The following NHSL1 variants were observed in gnomAD, a reference collection of about 807,000 sequenced individuals.
NHSL1 encodes the protein NHS-like protein 1.
Under a neutral mutation model 95.0 loss-of-function variants are expected in NHSL1, and 48 were observed. The ratio of observed to expected loss-of-function variants is 0.51; its 90% CI spans 0.40 to 0.64. The LOEUF is 0.64. Ranked by LOEUF, NHSL1 falls within the 30% of genes least tolerant of loss-of-function variation. The pLI is 0.00. For missense variants in NHSL1, 1,971 were observed against 2,077.7 expected (o/e 0.95, Z 1.00); for synonymous variants, 783 against 833.9 (o/e 0.94, Z 1.05).
chr6:138,459,258 T>G (rs55706289), intron 3 of NHSL1, among the ~76,000 whole-genome samples: 32,048 of 152,098 alleles, frequency 0.21, 4,403 homozygotes, highest in African/African-American at 0.39. Flanking sequence ...AAAGTGCTGG[T>G]ATTACAGGCA....
At chr6:138,592,319 C>T (rs1436754140) in intron 1 of NHSL1, among the ~76,000 whole-genome samples, 1 of 152,136 alleles carries the variant, frequency 6.6e-6, no homozygotes, top group South Asian at 2.1e-4. Flanking sequence ...ACTATATAGG[C>T]CAGGCACGGT....
intron 1 of NHSL1, among the ~76,000 whole-genome samples, chr6:138,541,431 CAG>C (rs1782577603): frequency 2.0e-5 from 3 of 152,204 alleles, no homozygotes; most frequent in African/African-American, 7.2e-5. Context: ...AACTCAACAG[CAG>C]AGAGTCTGCT....
rs1416334679 is a variant in NHSL1, at chr6:138,422,362, A to G, written c.*1719T>C. The G allele has an allele frequency of 1.3e-5, 2 of 152,204 alleles. No individual in the cohort carries two copies. Among genetic ancestry groups the G allele is most frequent in the Non-Finnish European group, 2.9e-5 (2 of 68,030 alleles). The allele number at this position is 152,204 out of a possible 1,614,324, so 9.4% of individuals were successfully genotyped here. A position where few individuals can be genotyped will look rare whatever the true frequency, so the allele number is the denominator to read the frequency against. On this transcript the variant is annotated 3_prime_UTR_variant, in exon 8 of 8. Coordinates refer to ENST00000343505, the MANE Select transcript of NHSL1 (RefSeq NM_001144060.2). ...GAGCAGTGTTTTGTTTTTTTCAGAG[A>G]AGGGAAAGAGCCTTCATTCTTTAGG...
chr6:138,577,457 G>A (rs1360477390), upstream of NHSL1, among the ~76,000 whole-genome samples: 2 of 152,208 alleles, frequency 1.3e-5, no homozygotes, highest in African/African-American at 4.8e-5. Context: ...GGGAAAACAC[G>A]GCTGGATTGC....
chr6:138,589,134 C>T (rs1193345718), intron 1 of NHSL1, among the ~76,000 whole-genome samples: 1 of 152,208 alleles, frequency 6.6e-6, no homozygotes, highest in Non-Finnish European at 1.5e-5. Flanking sequence ...ATCCAACTAA[C>T]ATCTGAGGGT....
At chr6:138,614,590 C>T (rs1036030363) in intron 1 of NHSL1, among the ~76,000 whole-genome samples, 3 of 152,148 alleles carry the variant, frequency 2.0e-5, no homozygotes, top group Non-Finnish European at 4.4e-5. Flanking sequence ...TACCCATATT[C>T]CCATTTCAAC....
At chr6:138,470,813 A>G (rs1778700932) in intron 3 of NHSL1, among the ~76,000 whole-genome samples, 1 of 152,048 alleles carries the variant, frequency 6.6e-6, no homozygotes, top group Non-Finnish European at 1.5e-5. Flanking sequence ...CCTTTCACAA[A>G]AAGAAGGACG....
intron 1 of NHSL1, among the ~76,000 whole-genome samples, chr6:138,676,294 C>G (rs1785447634): frequency 6.6e-6 from 1 of 151,988 alleles, no homozygotes; most frequent in Non-Finnish European, 1.5e-5. Flanking sequence ...ATGGAGAAAA[C>G]TCAACCAGAA....
chr6:138,542,608 G>A (rs937276812), intron 1 of NHSL1, among the ~76,000 whole-genome samples: 1 of 152,166 alleles, frequency 6.6e-6, no homozygotes, highest in Non-Finnish European at 1.5e-5. Flanking sequence ...AGTCTTCACC[G>A]AAGTTAGAGA....
chr6:138,658,582 C>T (rs1191430556), intron 1 of NHSL1, among the ~76,000 whole-genome samples: 1 of 152,098 alleles, frequency 6.6e-6, no homozygotes, highest in Non-Finnish European at 1.5e-5. Context: ...TTTCTTTATC[C>T]GTGCATCCAC....
At chr6:138,624,132 T>G (rs1240915003) in intron 1 of NHSL1, among the ~76,000 whole-genome samples, 12 of 152,222 alleles carry the variant, frequency 7.9e-5, no homozygotes, top group African/African-American at 2.9e-4. Flanking sequence ...GGTACAATCT[T>G]TGATGTTATT....
chr6:138,537,013 C>T (rs760285431), intron 1 of NHSL1, among the ~76,000 whole-genome samples: 2 of 152,136 alleles, frequency 1.3e-5, no homozygotes, highest in African/African-American at 2.4e-5. Context: ...AGCAGTCAAC[C>T]TAAAATAAGG....
chr6:138,671,525 A>G (rs996590938), intron 1 of NHSL1, among the ~76,000 whole-genome samples: 11 of 151,990 alleles, frequency 7.2e-5, no homozygotes, highest in Non-Finnish European at 1.5e-4. Flanking sequence ...ATTAGGGGAG[A>G]CAGGCATCAG....
At chr6:138,468,456 G>A (rs1778532631) in intron 3 of NHSL1, among the ~76,000 whole-genome samples, 1 of 152,190 alleles carries the variant, frequency 6.6e-6, no homozygotes, top group African/African-American at 2.4e-5. Context: ...AGTCAAGCAA[G>A]CATTACTGCC....
chr6:138,422,615 C>CT lies in NHSL1; in HGVS notation c.*1465dup, dbSNP rs1413585899. On this transcript the variant is annotated 3_prime_UTR_variant, in exon 8 of 8. Transcript: ENST00000343505. ...TAGTTTATTTAACAAATAAAGGAGTCTAAGTACATGGAAGTTAAGGGAGTA... is the reference window on the plus strand; with the variant it reads ...TAGTTTATTTAACAAATAAAGGAGTCTTAAGTACATGGAAGTTAAGGGAGTA... The CT allele has an allele frequency of 6.6e-6, 1 of 151,962 alleles. No homozygotes were observed. Among genetic ancestry groups the CT allele is most frequent in the African/African-American group, 2.4e-5 (1 of 41,360 alleles). 9.4% of individuals were successfully genotyped at this position (151,962 alleles called of 1,614,324 possible).
intron 3 of NHSL1, among the ~76,000 whole-genome samples, chr6:138,455,465 G>GAGCCCCACCTTCACATGCTCCCTGCAAGA (rs1777524617): frequency 1.4e-4 from 2 of 14,202 alleles, no homozygotes; most frequent in African/African-American, 4.8e-4. Flanking sequence ...GAGCTGCAAG[G>GAGCCCCACCTTCACATGCTCCCTGCAAGA]AGCCCCGCCT....
intron 1 of NHSL1, among the ~76,000 whole-genome samples, chr6:138,636,326 AG>A (rs1170647121): frequency 1.3e-5 from 2 of 152,104 alleles, no homozygotes; most frequent in East Asian, 3.8e-4. Flanking sequence ...ACAGGGAAAA[AG>A]TAAAAGGCTT....
intron 1 of NHSL1, among the ~76,000 whole-genome samples, chr6:138,605,557 A>G (rs1466450162): frequency 6.6e-6 from 1 of 152,230 alleles, no homozygotes; most frequent in East Asian, 1.9e-4. Context: ...GGTGTCAGCT[A>G]TCTTAAAACT....
At chr6:138,538,556 T>A (rs959338193) in intron 1 of NHSL1, among the ~76,000 whole-genome samples, 4 of 152,126 alleles carry the variant, frequency 2.6e-5, no homozygotes, top group African/African-American at 9.7e-5. Context: ...CTGTTCATCC[T>A]CCCCTGAACC....
Sources: allele counts gnomAD v4.1 joint callset (sites outside exome capture counted in the v4.1 genomes callset), GRCh38; gene constraint gnomAD v4.1.1; transcripts MANE v1.5; gene names NCBI Gene and HGNC (gene_info 2026-07-23, HGNC 2026-07-21).